ROBO2: variants seen among roughly 807,000 people sequenced by gnomAD.
ROBO2 encodes roundabout guidance receptor 2, also known as roundabout homolog 2.
ROBO2 carries 53 observed loss-of-function variants against 160.8 expected under a neutral mutation model. That is an observed-to-expected ratio of 0.33 (90% CI 0.26 to 0.41). The LOEUF is 0.41. Among genes scored for constraint, ROBO2 ranks in the 10% least tolerant of loss-of-function variants. ROBO2 has a pLI of 1.00. For synonymous variants in ROBO2, 664 were observed against 611.7 expected (o/e 1.09, Z -1.26); for missense variants, 1,577 against 1,722.4 (o/e 0.92, Z 1.49).
At chr3:76,085,865 C>G (rs1201225695) in intron 2 of ROBO2, among the ~76,000 whole-genome samples, 1 of 152,172 alleles carries the variant, frequency 6.6e-6, no homozygotes, top group African/African-American at 2.4e-5. Context: ...GCTCTAAGAA[C>G]TCTACCAGTT....
Position 76,302,308 on chromosome 3 carries a change from AT to A in ROBO2, c.109+364707del, listed in dbSNP as rs963828338. On this transcript the variant is annotated intron_variant, in intron 2 of 26. Coordinates refer to the ROBO2 transcript ENST00000487694. ...TACACTATTTTCCAGCTTATCAATG[AT>A]CTGAGAACTCTTATTTCTTTGTTTA... is the stretch of plus-strand genomic sequence containing the variant. 7.2e-5 allele frequency among the ~76,000 whole-genome samples: 11 copies of A among 152,106 alleles called. 1 individual carries two copies. Among genetic ancestry groups the A allele is most frequent in the Admixed American group, 7.2e-4 (11 of 15,262 alleles).
intron 2 of ROBO2, among the ~76,000 whole-genome samples, chr3:77,418,580 T>A (rs934330573): frequency 2.0e-5 from 3 of 152,186 alleles, no homozygotes; most frequent in Non-Finnish European, 4.4e-5. Context: ...CAAATCTCTT[T>A]AAGAGCCACA....
rs1553773939 is a variant in ROBO2 at position 76,495,229 on chromosome 3, T to TA, written c.109+557628dup. On this transcript the variant is annotated intron_variant, in intron 2 of 26. Coordinates refer to the ROBO2 transcript ENST00000487694. ...CTTCATTTCCTTTTTTTTTTTTTTT[T>TA]ATCTGATTCTGGAGTTTAAGACACA... is the stretch of plus-strand genomic sequence containing the variant. Among the ~76,000 whole-genome samples the TA allele has an allele frequency of 2.5e-3, 377 of 150,456 alleles. 5 individuals carry two copies. Among genetic ancestry groups the TA allele is most frequent in the African/African-American group, 9.0e-3 (365 of 40,608 alleles).
At chr3:76,333,678 C>T (rs189740526) in intron 2 of ROBO2, among the ~76,000 whole-genome samples, 6 of 152,270 alleles carry the variant, frequency 3.9e-5, no homozygotes, top group East Asian at 1.9e-4. Context: ...CCACTAACCA[C>T]GCAAGCAAAA....
At chr3:77,064,591 C>T (rs2066657697) in intron 1 of ROBO2, among the ~76,000 whole-genome samples, 1 of 145,106 alleles carries the variant, frequency 6.9e-6, no homozygotes, top group South Asian at 2.2e-4. Context: ...GAACTCCTGA[C>T]CTCAAATGAT....
intron 1 of ROBO2, among the ~76,000 whole-genome samples, chr3:77,047,842 G>A (rs566042995): frequency 6.6e-6 from 1 of 151,816 alleles, no homozygotes; most frequent in South Asian, 2.1e-4. Context: ...AGGAGGTCGA[G>A]ACTATCCTGG....
intron 2 of ROBO2, among the ~76,000 whole-genome samples, chr3:76,334,561 T>G (rs551492937): frequency 6.6e-6 from 1 of 152,112 alleles, no homozygotes; most frequent in Admixed American, 6.5e-5. Flanking sequence ...TTGGCTTTTC[T>G]TTTTTTAAGA....
chr3:76,223,159 C>A (rs978664060), intron 2 of ROBO2, among the ~76,000 whole-genome samples: 2 of 151,726 alleles, frequency 1.3e-5, no homozygotes, highest in Non-Finnish European at 2.9e-5. Flanking sequence ...TGGTACACTT[C>A]CTCATGAATT....
chr3:76,689,569 AC>A (rs1441160465), intron 2 of ROBO2, among the ~76,000 whole-genome samples: 3 of 152,040 alleles, frequency 2.0e-5, no homozygotes, highest in African/African-American at 7.2e-5. Flanking sequence ...CTGCACACAA[AC>A]TTTTCCACCT....
intron 2 of ROBO2, among the ~76,000 whole-genome samples, chr3:77,158,174 T>C (rs1360721566): frequency 6.6e-6 from 1 of 152,136 alleles, no homozygotes; most frequent in Non-Finnish European, 1.5e-5. Context: ...GTGCAGTGCA[T>C]GTATTGGACA....
chr3:77,418,200 T>G (rs912084861), intron 2 of ROBO2, among the ~76,000 whole-genome samples: 1 of 152,164 alleles, frequency 6.6e-6, no homozygotes, highest in African/African-American at 2.4e-5. Flanking sequence ...TGCTTCTTGT[T>G]TTTCTTCAAA....
rs191670606 is a variant in ROBO2 at position 76,804,779 on chromosome 3, C to T, written c.110-293235C>T. On this transcript the variant is annotated intron_variant, in intron 2 of 26. Coordinates refer to the ROBO2 transcript ENST00000487694. The stretch of plus-strand genomic sequence containing the variant: ...ACGTTTACTGAGTACTAACTATGAG[C>T]CAGTTCCTTAACATGAATTCACTTA... 4.4e-3 allele frequency among the ~76,000 whole-genome samples: 676 copies of T among 152,198 alleles called. 2 individuals are homozygous for T. The highest frequency in any genetic ancestry group is 8.2e-3 in the Non-Finnish European group (557 of 67,970).
At chr3:76,805,480 A>G (rs893161970) in intron 2 of ROBO2, among the ~76,000 whole-genome samples, 12 of 151,872 alleles carry the variant, frequency 7.9e-5, no homozygotes, top group Non-Finnish European at 1.5e-4. Context: ...CTAGAAATAT[A>G]TGTTCCCCCC....
rs142173284 is a variant in ROBO2 at position 76,186,535 on chromosome 3, A to T, written c.109+248933A>T. Among the ~76,000 whole-genome samples the T allele has an allele frequency of 1.5e-3, 230 of 151,708 alleles. 2 individuals carry two copies. Among genetic ancestry groups the T allele is most frequent in the African/African-American group, 5.5e-3 (227 of 41,522 alleles). On this transcript the variant is annotated intron_variant, in intron 2 of 26. Transcript: ENST00000487694. ...GGAGTATCTGTTTTTCTCACAAGAA[A>T]TGCTCACTGGATCCCATTCCTCTCT...
chr3:76,127,789 A>C (rs561579770), intron 2 of ROBO2, among the ~76,000 whole-genome samples: 1 of 152,182 alleles, frequency 6.6e-6, no homozygotes, highest in Admixed American at 6.5e-5. Flanking sequence ...CATCAATAAG[A>C]AACCTGTTTT....
chr3:75,922,131 A>G (rs569565470), intron 1 of ROBO2, among the ~76,000 whole-genome samples: 3 of 152,308 alleles, frequency 2.0e-5, no homozygotes, highest in African/African-American at 2.4e-5. Context: ...TATGATAAAG[A>G]TAGTGTTTCA....
chr3:76,385,729 T>C (rs2076851957), intron 2 of ROBO2, among the ~76,000 whole-genome samples: 1 of 152,226 alleles, frequency 6.6e-6, no homozygotes, highest in Non-Finnish European at 1.5e-5. Context: ...TTATTTTCCC[T>C]TGCTCAGAGT....
At chr3:76,350,905 G>A (rs1456282496) in intron 2 of ROBO2, among the ~76,000 whole-genome samples, 1 of 151,754 alleles carries the variant, frequency 6.6e-6, no homozygotes, top group Non-Finnish European at 1.5e-5. Flanking sequence ...GCTCATAAAA[G>A]GATCCTGGAA....
chr3:76,336,177 T>A (rs1454690853), intron 2 of ROBO2, among the ~76,000 whole-genome samples: 2 of 152,172 alleles, frequency 1.3e-5, no homozygotes, highest in Admixed American at 6.5e-5. Flanking sequence ...CTCATTGACC[T>A]GGTTCCAAAA....
Sources: allele counts gnomAD v4.1 joint callset (sites outside exome capture counted in the v4.1 genomes callset), GRCh38; gene constraint gnomAD v4.1.1; transcripts MANE v1.5; gene names NCBI Gene and HGNC (gene_info 2026-07-23, HGNC 2026-07-21).